The following GRID2 variants were observed in gnomAD, a reference collection of about 807,000 sequenced individuals.
GRID2 encodes glutamate receptor ionotropic, delta-2.
GRID2 carries 33 observed loss-of-function variants against 114.8 expected under a neutral mutation model. The ratio of observed to expected loss-of-function variants is 0.29; its 90% CI spans 0.22 to 0.38. GRID2 has a LOEUF of 0.38. Ranked by LOEUF, GRID2 falls within the 10% of genes least tolerant of loss-of-function variation. GRID2 has a pLI of 1.00. For synonymous variants in GRID2, 505 were observed against 449.9 expected (o/e 1.12, Z -1.55); for missense variants, 1,184 against 1,257.7 (o/e 0.94, Z 0.89).
chr4:93,169,366 T>C (rs1048527229), intron 4 of GRID2, among the ~76,000 whole-genome samples: 2 of 152,186 alleles, frequency 1.3e-5, no homozygotes, highest in African/African-American at 4.8e-5. Flanking sequence ...TACAACTTAG[T>C]AATTTGACAA....
chr4:92,499,897 G>C (rs1723586343), intron 1 of GRID2, among the ~76,000 whole-genome samples: 1 of 152,236 alleles, frequency 6.6e-6, no homozygotes, highest in African/African-American at 2.4e-5. Context: ...TTACAGGCGT[G>C]CGCCATTGCG....
chr4:92,892,015 T>C (rs1357211622), intron 2 of GRID2, among the ~76,000 whole-genome samples: 2 of 152,162 alleles, frequency 1.3e-5, no homozygotes, highest in Non-Finnish European at 2.9e-5. Context: ...AACAGACACA[T>C]ATTTAATTAT....
intron 2 of GRID2, among the ~76,000 whole-genome samples, chr4:92,597,419 C>A (rs2149216443): frequency 6.6e-6 from 1 of 152,220 alleles, no homozygotes; most frequent in Non-Finnish European, 1.5e-5. Context: ...GTTTACAGAC[C>A]TCTACATCAT....
chr4:93,550,476 CA>C (rs1345558602), intron 13 of GRID2, among the ~76,000 whole-genome samples: 5 of 152,174 alleles, frequency 3.3e-5, no homozygotes, highest in Non-Finnish European at 7.4e-5. Flanking sequence ...ACCCTTTGAT[CA>C]GCAACATTTA....
chr4:92,827,295 A>G (rs1054152026), intron 2 of GRID2, among the ~76,000 whole-genome samples: 1 of 151,866 alleles, frequency 6.6e-6, no homozygotes, highest in East Asian at 1.9e-4. Context: ...ATTGGAAATT[A>G]TCAGGTTAAT....
chr4:93,029,189 G>A (rs1374896373), intron 2 of GRID2, among the ~76,000 whole-genome samples: 2 of 151,822 alleles, frequency 1.3e-5, no homozygotes, highest in Non-Finnish European at 2.9e-5. Flanking sequence ...AGTAAGAAAT[G>A]GCAAATAGAA....
chr4:93,498,533 A>G (rs1384566187), intron 12 of GRID2, among the ~76,000 whole-genome samples: 2 of 151,860 alleles, frequency 1.3e-5, no homozygotes, highest in Non-Finnish European at 2.9e-5. Context: ...TAGAAATACA[A>G]TTGTTTTTTG....
chr4:93,506,695 C>T (rs1249106607), intron 12 of GRID2, among the ~76,000 whole-genome samples: 1 of 152,126 alleles, frequency 6.6e-6, no homozygotes, highest in African/African-American at 2.4e-5. Flanking sequence ...AAATCTCTAA[C>T]CCTCTTTGTT....
At chr4:92,408,551 C>G (rs1176280675) in intron 1 of GRID2, among the ~76,000 whole-genome samples, 2 of 139,370 alleles carry the variant, frequency 1.4e-5, no homozygotes, top group African/African-American at 5.4e-5. Flanking sequence ...AGTGTTTAGT[C>G]TATAAATTGC....
chr4:93,690,636 A>G (rs1358269716), intron 14 of GRID2, among the ~76,000 whole-genome samples: 30 of 151,860 alleles, frequency 2.0e-4, no homozygotes, highest in Admixed American at 2.0e-3. Context: ...ACAAATTTAA[A>G]TGAGCTTGGC....
intron 1 of GRID2, among the ~76,000 whole-genome samples, chr4:92,493,480 C>T (rs1723245025): frequency 6.6e-6 from 1 of 152,174 alleles, no homozygotes; most frequent in Admixed American, 6.6e-5. Context: ...TGAATGAAAT[C>T]TTTCTGAGAC....
At chr4:92,529,485 GAAAC>G (rs1042905013) in intron 1 of GRID2, among the ~76,000 whole-genome samples, 3 of 152,074 alleles carry the variant, frequency 2.0e-5, no homozygotes, top group African/African-American at 7.2e-5. Flanking sequence ...TTCAAGAGCA[GAAAC>G]AGAGGAGATA....
chr4:92,313,312 C>T (rs1053878647), intron 1 of GRID2, among the ~76,000 whole-genome samples: 1 of 151,906 alleles, frequency 6.6e-6, no homozygotes, highest in African/African-American at 2.4e-5. Flanking sequence ...ATACAGTGGA[C>T]TTTGGGGACT....
intron 11 of GRID2, among the ~76,000 whole-genome samples, chr4:93,480,177 C>T (rs892516501): frequency 2.2e-4 from 34 of 152,174 alleles, no homozygotes; most frequent in African/African-American, 7.9e-4. Flanking sequence ...GTAGAACTGA[C>T]TGAGCAATAT....
At chr4:93,645,789 GTTAA>G (rs1056440197) in intron 14 of GRID2, among the ~76,000 whole-genome samples, 8 of 152,108 alleles carry the variant, frequency 5.3e-5, no homozygotes, top group East Asian at 1.9e-4. Flanking sequence ...TCACATTTTT[GTTAA>G]TTAATCATTT....
intron 1 of GRID2, among the ~76,000 whole-genome samples, chr4:92,433,019 AG>A (rs1224898513): frequency 6.6e-6 from 1 of 152,078 alleles, no homozygotes; most frequent in Non-Finnish European, 1.5e-5. Flanking sequence ...CTTTTTGTTC[AG>A]GGTGTGTCTA....
rs369042224 is a variant in GRID2, at chr4:93,207,467, A to C, written c.789+10A>C. 1 of 1,537,672 alleles carries C rather than the reference A, an allele frequency of 6.5e-7. No homozygotes were observed. The highest frequency in any genetic ancestry group is 1.4e-5 in the African/African-American group (1 of 73,340). On this transcript the variant is annotated intron_variant, in intron 5 of 15. Coordinates refer to ENST00000282020, the MANE Select transcript of GRID2 (RefSeq NM_001510.4). ...GATCATTATAAATGAGGTAAAGCCA[A>C]CTAAACCTTATTGTTAACTCTGTGT...
At chr4:93,669,013 G>A (rs1724179892) in intron 14 of GRID2, among the ~76,000 whole-genome samples, 1 of 151,910 alleles carries the variant, frequency 6.6e-6, no homozygotes, top group South Asian at 2.1e-4. Flanking sequence ...AAAATAGTTT[G>A]GCATGCTTAG....
intron 13 of GRID2, among the ~76,000 whole-genome samples, chr4:93,535,128 T>A (rs2149519397): frequency 6.6e-6 from 1 of 152,058 alleles, no homozygotes; most frequent in South Asian, 2.1e-4. Context: ...TGTCTTTTTA[T>A]GTCTGGCTGC....
Sources: gnomAD v4.1 joint callset for allele counts (sites outside exome capture counted in the v4.1 genomes callset) on GRCh38, gnomAD v4.1.1 for gene constraint, MANE v1.5 for transcripts, NCBI Gene and HGNC (gene_info 2026-07-23, HGNC 2026-07-21) for gene names.